Variants in MYO16 observed in about 807,000 individuals in gnomAD.
MYO16 encodes myosin XVI, also known as unconventional myosin-XVI.
In MYO16, 94 loss-of-function variants were observed where a neutral mutation model predicts 205.3. That is an observed-to-expected ratio of 0.46 (90% CI 0.39 to 0.54). The LOEUF (loss-of-function observed/expected upper bound fraction) is 0.54, where lower values mean the gene tolerates loss of function less well. Among genes scored for constraint, MYO16 ranks in the 20% least tolerant of loss-of-function variants. The pLI is 0.00. For missense variants in MYO16, 2,315 were observed against 2,387.5 expected (o/e 0.97, Z 0.63); for synonymous variants, 988 against 954.0 (o/e 1.04, Z -0.66).
the MYO16 span, among the ~76,000 whole-genome samples, chr13:108,508,884 T>G: frequency 1.3e-5 from 2 of 152,246 alleles, no homozygotes; most frequent in African/African-American, 4.8e-5. Context: ...TGGGACTTAC[T>G]ATTCAGTTAT....
At chr13:108,629,606 C>T (rs751412224), upstream of MYO16, 77 of 473,120 alleles carry the variant, frequency 1.6e-4, no homozygotes, top group Non-Finnish European at 2.3e-4. Context: ...TACAATAGCA[C>T]GTGCACCAGT....
rs560478778 is a variant in MYO16, at chr13:108,891,435, A to G, written c.1659+2958A>G. On this transcript the variant is annotated intron_variant, in intron 14 of 34. Transcript: ENST00000457511. ...AGACCACTAAATGCATATATGGAAA[A>G]TCGTGTTCAATTCCACATATACACT... 3.2e-4 allele frequency among the ~76,000 whole-genome samples: 48 copies of G among 152,334 alleles called. 1 individual carries two copies. The highest frequency in any genetic ancestry group is 1.1e-3 in the African/African-American group (47 of 41,564).
At chr13:108,722,787 C>G (rs933548431) in intron 3 of MYO16, among the ~76,000 whole-genome samples, 2 of 152,156 alleles carry the variant, frequency 1.3e-5, no homozygotes, top group African/African-American at 2.4e-5. Context: ...CTGTGCCACT[C>G]ACCTTCTGTG....
At chr13:108,677,301 A>T (rs142279333) in intron 2 of MYO16, among the ~76,000 whole-genome samples, 3 of 148,888 alleles carry the variant, frequency 2.0e-5, no homozygotes, top group Non-Finnish European at 4.4e-5. Flanking sequence ...AGAACCCATA[A>T]GGTGCACATG....
chr13:108,766,731 G>C (rs778585424), intron 4 of MYO16, among the ~76,000 whole-genome samples: 1 of 152,074 alleles, frequency 6.6e-6, no homozygotes, highest in Non-Finnish European at 1.5e-5. Flanking sequence ...TCATTTTCAG[G>C]GTTTTTCTTT....
intron 1 of MYO16, among the ~76,000 whole-genome samples, chr13:108,599,291 G>A (rs868338989): frequency 4.4e-4 from 65 of 147,662 alleles, no homozygotes; most frequent in African/African-American, 1.4e-3. Flanking sequence ...GAATAGTGCC[G>A]CAATAAACAT....
chr13:109,183,262 C>A (rs1052798050), intron 34 of MYO16, among the ~76,000 whole-genome samples: 7 of 152,214 alleles, frequency 4.6e-5, no homozygotes, highest in Non-Finnish European at 1.0e-4. Context: ...CCAAGAATGA[C>A]TTCTTCGCAT....
chr13:108,969,507 T>C (rs1478144479), intron 20 of MYO16, among the ~76,000 whole-genome samples: 1 of 152,178 alleles, frequency 6.6e-6, no homozygotes, highest in Non-Finnish European at 1.5e-5. Flanking sequence ...CACTGTCCAC[T>C]TTTCCCCCAG....
intron 2 of MYO16, among the ~76,000 whole-genome samples, chr13:108,693,301 ATGT>A (rs1265790357): frequency 4.6e-5 from 7 of 152,178 alleles, no homozygotes; most frequent in Non-Finnish European, 1.0e-4. Flanking sequence ...TACATGGAGA[ATGT>A]TGTGCGTCCA....
chr13:108,581,140 A>AT, the MYO16 span, among the ~76,000 whole-genome samples: 46,943 of 137,654 alleles, frequency 0.34, 8,292 homozygotes, highest in Non-Finnish European at 0.42. Context: ...ATTTTAGGAT[A>AT]TTATTTTTGA....
chr13:108,655,652 A>G (rs1355410955), intron 1 of MYO16, among the ~76,000 whole-genome samples: 1 of 152,136 alleles, frequency 6.6e-6, no homozygotes, highest in African/African-American at 2.4e-5. Context: ...CAGGCACTCA[A>G]TGCCAGCCCA....
At chr13:109,013,502 A>G (rs1195246341) in intron 22 of MYO16, among the ~76,000 whole-genome samples, 1 of 152,120 alleles carries the variant, frequency 6.6e-6, no homozygotes, top group Non-Finnish European at 1.5e-5. Context: ...CGCTGGTTCA[A>G]ATGGTATTTC....
intron 2 of MYO16, among the ~76,000 whole-genome samples, chr13:108,688,803 A>G (rs1394483613): frequency 6.6e-6 from 1 of 152,178 alleles, no homozygotes; most frequent in Non-Finnish European, 1.5e-5. Flanking sequence ...AAGACCGTCA[A>G]TTTTGGAAGC....
At chr13:108,846,156 CTA>C (rs1299609717) in intron 10 of MYO16, among the ~76,000 whole-genome samples, 2 of 152,164 alleles carry the variant, frequency 1.3e-5, no homozygotes, top group African/African-American at 2.4e-5. Flanking sequence ...GGAAAAATGA[CTA>C]TTAATTAACT....
chr13:109,058,951 C>A (rs983283623), intron 27 of MYO16, among the ~76,000 whole-genome samples: 1 of 152,150 alleles, frequency 6.6e-6, no homozygotes, highest in Non-Finnish European at 1.5e-5. Flanking sequence ...GTAGTAGATT[C>A]CATCTCAAGA....
At chr13:108,945,309 C>T (rs1458750263) in intron 16 of MYO16, among the ~76,000 whole-genome samples, 2 of 152,108 alleles carry the variant, frequency 1.3e-5, no homozygotes, top group Non-Finnish European at 2.9e-5. Context: ...TGGAAAATTT[C>T]TTTAATGTAG....
chr13:108,858,727 T>G (rs1042939658), intron 11 of MYO16, among the ~76,000 whole-genome samples: 12 of 152,202 alleles, frequency 7.9e-5, no homozygotes, highest in Non-Finnish European at 1.5e-4. Context: ...GTAACAGTGT[T>G]AGAATGCACA....
intron 4 of MYO16, among the ~76,000 whole-genome samples, chr13:108,738,586 TGTG>T (rs1359164508): frequency 6.6e-6 from 1 of 152,200 alleles, no homozygotes; most frequent in African/African-American, 2.4e-5. Flanking sequence ...ATAAGTCTGA[TGTG>T]GTGCTGAGAA....
At chr13:108,869,330 A>G (rs914898586) in intron 12 of MYO16, among the ~76,000 whole-genome samples, 9 of 152,178 alleles carry the variant, frequency 5.9e-5, no homozygotes, top group Admixed American at 6.5e-5. Context: ...GATATATTGC[A>G]TAGTGTTCAT....
Sources: allele counts gnomAD v4.1 joint callset (sites outside exome capture counted in the v4.1 genomes callset), GRCh38; gene constraint gnomAD v4.1.1; transcripts MANE v1.5; gene names NCBI Gene and HGNC (gene_info 2026-07-23, HGNC 2026-07-21).